The following RBBP5 variants were observed in gnomAD, a reference collection of about 807,000 sequenced individuals.
The protein encoded by RBBP5 is RB binding protein 5, histone lysine methyltransferase complex subunit, also known as retinoblastoma-binding protein 5.
A neutral mutation model predicts 72.2 loss-of-function variants in RBBP5; 5 were observed. The ratio of observed to expected loss-of-function variants is 0.07; its 90% CI spans 0.04 to 0.15. The LOEUF (loss-of-function observed/expected upper bound fraction) is 0.15, where lower values mean the gene tolerates loss of function less well. Among genes scored for constraint, RBBP5 ranks in the 10% least tolerant of loss-of-function variants. The pLI, the probability that RBBP5 is intolerant of heterozygous loss-of-function variation, is 1.00. For missense variants in RBBP5, 322 were observed against 652.2 expected (o/e 0.49, Z 5.51); for synonymous variants, 209 against 237.2 (o/e 0.88, Z 1.09).
At chr1:205,101,893 T>C (rs1485377348) in intron 5 of RBBP5, among the ~76,000 whole-genome samples, 184 bp from the exon 6 acceptor site, 1 of 112,886 alleles carries the variant, frequency 8.9e-6, no homozygotes, top group African/African-American at 3.1e-5. Flanking sequence ...CTTAATCTAG[T>C]CTTTTTTTTT....
chr1:205,116,243 C>A, intron 1 of RBBP5: 1 of 382,914 alleles, frequency 2.6e-6, no homozygotes, highest in South Asian at 2.2e-5. Flanking sequence ...TTTTTGAAAA[C>A]AAAATAACTA....
At chr1:205,113,430 A>G (rs1656395773) in intron 3 of RBBP5, among the ~76,000 whole-genome samples, 2 of 151,950 alleles carry the variant, frequency 1.3e-5, no homozygotes, top group South Asian at 2.1e-4. Context: ...ACAGATGTGC[A>G]CCATACACCC....
intron 1 of RBBP5, among the ~76,000 whole-genome samples, chr1:205,118,044 A>T (rs1656594777): frequency 1.3e-5 from 2 of 151,846 alleles, no homozygotes; most frequent in Non-Finnish European, 2.9e-5. Flanking sequence ...TCCTGACCTC[A>T]GGTGATCCAC....
At chr1:205,100,127 T>A (rs1655761525) in intron 7 of RBBP5, 25 bp downstream of exon 7, 2 of 1,614,030 alleles carry the variant, frequency 1.2e-6, no homozygotes, top group African/African-American at 2.7e-5. Context: ...AATGATCACA[T>A]ATTCTTCTAG....
At chr1:205,105,494 G>C (rs1656019783) in intron 3 of RBBP5, among the ~76,000 whole-genome samples, 1 of 152,178 alleles carries the variant, frequency 6.6e-6, no homozygotes, top group Non-Finnish European at 1.5e-5. Context: ...TGAACTTTCT[G>C]AAGTCATCTC....
At chr1:205,102,599 C>T (rs1655878985) in intron 5 of RBBP5, among the ~76,000 whole-genome samples, 1 of 152,070 alleles carries the variant, frequency 6.6e-6, no homozygotes, top group African/African-American at 2.4e-5. Context: ...GATCATTGCA[C>T]AATAGAGTGA....
At chr1:205,102,818 A>AC (rs1231742999) in intron 5 of RBBP5, among the ~76,000 whole-genome samples, 2 of 151,850 alleles carry the variant, frequency 1.3e-5, no homozygotes, top group African/African-American at 4.8e-5. Flanking sequence ...ACATGGAGAG[A>AC]CCCCGTCTCT....
chr1:205,116,656 A>G (rs111528352), intron 1 of RBBP5, among the ~76,000 whole-genome samples: 15,394 of 152,212 alleles, frequency 0.1, 1,435 homozygotes, highest in African/African-American at 0.24. Context: ...TCTACTAAAA[A>G]TACAAAAATT....
chr1:205,113,334 G>A (rs1420394757), intron 3 of RBBP5, among the ~76,000 whole-genome samples: 1 of 151,564 alleles, frequency 6.6e-6, no homozygotes, highest in Non-Finnish European at 1.5e-5. Context: ...GCACTGGAGT[G>A]CAGTGGCACA....
At chr1:205,091,822 C>A (rs1655362223) in intron 13 of RBBP5, 2 of 152,234 alleles carry the variant, frequency 1.3e-5, no homozygotes, top group Admixed American at 6.5e-5. Flanking sequence ...TCTACACATA[C>A]AACCCTCAGA....
intron 6 of RBBP5, among the ~76,000 whole-genome samples, chr1:205,101,201 C>T (rs932763357): frequency 5.9e-5 from 9 of 152,176 alleles, no homozygotes; most frequent in African/African-American, 1.4e-4. Context: ...TATTCTACGA[C>T]TTCTAACTAG....
At chr1:205,097,244 A>G in intron 11 of RBBP5, 82 bp downstream of exon 11, 1 of 1,310,050 alleles carries the variant, frequency 7.6e-7, no homozygotes, top group Non-Finnish European at 1.1e-6. Context: ...GAATGAAGGG[A>G]TAGCCAGGGA....
chr1:205,101,395 G>A (rs192565075), intron 6 of RBBP5, among the ~76,000 whole-genome samples: 5 of 152,234 alleles, frequency 3.3e-5, no homozygotes, highest in Admixed American at 1.3e-4. Context: ...TAAAGTAACC[G>A]CCTGATAACC....
intron 3 of RBBP5, among the ~76,000 whole-genome samples, chr1:205,107,083 T>TATAC (rs1487200724): frequency 7.5e-6 from 1 of 133,502 alleles, no homozygotes; most frequent in South Asian, 2.1e-4. Flanking sequence ...TACATATATA[T>TATAC]ATATACACAC....
intron 13 of RBBP5, among the ~76,000 whole-genome samples, chr1:205,092,998 TTTTAGCTCTCCAGGCCAGGGAAATCTA>T: frequency 6.6e-6 from 1 of 152,218 alleles, no homozygotes; most frequent in East Asian, 1.9e-4. Flanking sequence ...CCTTAAAATA[TTTTAGCTCTCCAGGCCAGGGAAATCTA>T]TTTAAACTTT....
At chr1:205,094,604 C>A (rs925757131) in intron 13 of RBBP5, among the ~76,000 whole-genome samples, 1 of 152,150 alleles carries the variant, frequency 6.6e-6, no homozygotes, top group Non-Finnish European at 1.5e-5. Context: ...ACATCTTCCC[C>A]AGAAAAATAT....
At chr1:205,104,634 A>C (rs941061246) in intron 4 of RBBP5, among the ~76,000 whole-genome samples, 3 of 152,166 alleles carry the variant, frequency 2.0e-5, no homozygotes, top group Non-Finnish European at 4.4e-5. Flanking sequence ...CGAGGTCAGG[A>C]GTTCGAGACC....
Position 205,087,219 on chromosome 1 carries a change from TAG to T in RBBP5, c.*1566_*1567del, listed in dbSNP as rs1413381157. The T allele has an allele frequency of 1.4e-5, 2 of 146,936 alleles. No homozygotes were observed. Among genetic ancestry groups the T allele is most frequent in the Non-Finnish European group, 3.0e-5 (2 of 66,986 alleles). The allele number at this position is 146,936 out of a possible 1,614,324, so 9.1% of individuals were successfully genotyped here. On this transcript the variant is annotated 3_prime_UTR_variant, in exon 14 of 14. Transcript: ENST00000264515. ...TATCATTTTTTTTTTTTTTTTGAGA[TAG>T]AGTCTCATTCTGTCACCTAGGCTGG... is the stretch of plus-strand genomic sequence containing the variant.
Position 205,096,734 on chromosome 1 carries a change from A to G in RBBP5, c.1344T>C (p.Pro448=), listed in dbSNP as rs1229692167. The change falls in exon 12 of 14, where the codon CCT becomes CCC. Residue 448 remains proline (P), a synonymous_variant. Transcript: ENST00000264515. ...RQSSADGSQP[P]KKKPKTTNIE... ...TATTGGTTGTTTTGGGTTTCTTCTT[A>G]GGTGGCTGGGACCCATCTGCTGAGG... 2.5e-6 allele frequency: 4 copies of G among 1,614,086 alleles called. No individual in the cohort carries two copies.
Sources: allele counts gnomAD v4.1 joint callset (sites outside exome capture counted in the v4.1 genomes callset), GRCh38; gene constraint gnomAD v4.1.1; transcripts MANE v1.5; gene names NCBI Gene and HGNC (gene_info 2026-07-23, HGNC 2026-07-21).